ATP8A2: variants seen among roughly 807,000 people sequenced by gnomAD.
The protein encoded by ATP8A2 is phospholipid-transporting ATPase IB.
Under a neutral mutation model 165.6 loss-of-function variants are expected in ATP8A2, and 100 were observed. That is an observed-to-expected ratio of 0.60 (90% CI 0.51 to 0.71). The LOEUF is 0.71. Among genes scored for constraint, ATP8A2 ranks in the 30% least tolerant of loss-of-function variants. The probability of loss-of-function intolerance (pLI) is 0.00; values close to 1 mark genes in which losing one functional copy is unlikely to be tolerated. For synonymous variants in ATP8A2, 543 were observed against 548.8 expected, an observed-to-expected ratio of 0.99 and a Z score of 0.15; for missense variants, 1,227 against 1,479.5, an observed-to-expected ratio of 0.83 and a Z score of 2.80.
chr13:25,851,382 G>A (rs570339715), intron 30 of ATP8A2, among the ~76,000 whole-genome samples: 1 of 152,242 alleles, frequency 6.6e-6, no homozygotes, highest in South Asian at 2.1e-4. Context: ...AAGACTTCAA[G>A]ACCAGCCTGG....
intron 24 of ATP8A2, among the ~76,000 whole-genome samples, chr13:25,688,677 C>T (rs1255130429): frequency 1.3e-5 from 2 of 152,194 alleles, no homozygotes; most frequent in Non-Finnish European, 2.9e-5. Context: ...TCTCATATAA[C>T]TCTGTCTGTA....
intron 1 of ATP8A2, among the ~76,000 whole-genome samples, chr13:25,462,967 G>C (rs116170264): frequency 6.6e-6 from 1 of 152,154 alleles, no homozygotes; most frequent in Non-Finnish European, 1.5e-5. Context: ...CATTCTGTGC[G>C]TAAGGAGCAC....
chr13:25,395,072 T>G (rs1009772769), intron 1 of ATP8A2, among the ~76,000 whole-genome samples: 1 of 152,216 alleles, frequency 6.6e-6, no homozygotes, highest in African/African-American at 2.4e-5. Flanking sequence ...ATACAAAGAC[T>G]CTATGTCTTC....
chr13:25,933,075 T>G (rs1186378825), intron 33 of ATP8A2, among the ~76,000 whole-genome samples: 1 of 152,246 alleles, frequency 6.6e-6, no homozygotes. Flanking sequence ...CTCAAACTCC[T>G]GATCTCAGGT....
rs1383919845 is a variant in ATP8A2 at position 25,750,281 on chromosome 13, G to C, written c.2385-18765G>C. ...TGCATTTCTCAGAGTAGTCGCTAGA[G>C]TTTTCAGGAGACCAAATAAAATAGT... On this transcript the variant is annotated intron_variant, in intron 25 of 36. Transcript: ENST00000381655. The surrounding 1 kb of genome is among the most constrained non-coding windows in gnomAD (Gnocchi z 4.3). Among the ~76,000 whole-genome samples, 1 of 152,168 alleles carries C rather than the reference G, an allele frequency of 6.6e-6. No homozygotes were observed. The highest frequency in any genetic ancestry group is 2.4e-5 in the African/African-American group (1 of 41,426).
intron 30 of ATP8A2, among the ~76,000 whole-genome samples, chr13:25,841,233 A>T (rs992929039): frequency 6.6e-6 from 1 of 152,270 alleles, no homozygotes; most frequent in Admixed American, 6.5e-5. Context: ...GACTCCCAGC[A>T]GTTGCTAACT....
In ATP8A2 at chr13:25,953,727, G is replaced by C. The variant is rs1955441996; in HGVS notation, c.3184-7848G>C. Among the ~76,000 whole-genome samples, 2 of 152,010 alleles carry C rather than the reference G, an allele frequency of 1.3e-5. No homozygotes were observed. The highest frequency in any genetic ancestry group is 2.1e-4 in the South Asian group (1 of 4,810). On this transcript the variant is annotated intron_variant, in intron 33 of 36. Coordinates refer to ENST00000381655, the MANE Select transcript of ATP8A2 (RefSeq NM_016529.6). The surrounding 1 kb of genome is among the most constrained non-coding windows in gnomAD (Gnocchi z 6.7). Reference sequence around the variant, plus strand: ...GCAAGCCGAAGCAGGGTGGGGCGTTGCCTCACCCGGGAAGCACAGGGGATT... The same window carrying C: ...GCAAGCCGAAGCAGGGTGGGGCGTTCCCTCACCCGGGAAGCACAGGGGATT...
At chr13:25,409,348 T>C (rs1006259727) in intron 1 of ATP8A2, among the ~76,000 whole-genome samples, 2 of 151,896 alleles carry the variant, frequency 1.3e-5, no homozygotes, top group Non-Finnish European at 2.9e-5. Flanking sequence ...GCAGGAAAAA[T>C]AGAAAACAAA....
In ATP8A2 at chr13:25,504,421, CTTT is replaced by C. The variant is rs577817952; in HGVS notation, c.222-25559_222-25557del. ...ATAATTTTTAAAAATCTTTCCTTTC[CTTT>C]TTTTTTTTTTTTTTTTTTAAAAAGT... is the stretch of plus-strand genomic sequence containing the variant. On this transcript the variant is annotated intron_variant, in intron 2 of 36. Transcript: ENST00000381655. Among the ~76,000 whole-genome samples, 474 of 124,166 alleles carry C rather than the reference CTTT, an allele frequency of 3.8e-3. 1 individual carries two copies. Among genetic ancestry groups the C allele is most frequent in the Non-Finnish European group, 5.8e-3 (343 of 59,340 alleles). 81.5% of individuals were successfully genotyped at this position (124,166 alleles called of 152,430 possible).
chr13:25,693,664 T>G (rs1823306108), intron 24 of ATP8A2, among the ~76,000 whole-genome samples: 1 of 37,188 alleles, frequency 2.7e-5, no homozygotes, highest in South Asian at 1.8e-3. Context: ...ATCCCTCAGA[T>G]CTCTCTGTCT....
intron 24 of ATP8A2, among the ~76,000 whole-genome samples, chr13:25,614,643 A>G (rs1247373354): frequency 6.6e-6 from 1 of 152,160 alleles, no homozygotes; most frequent in African/African-American, 2.4e-5. Flanking sequence ...TGTGAGAGGG[A>G]AGATCTGGGG....
chr13:25,912,083 C>G (rs1043222954), intron 33 of ATP8A2, among the ~76,000 whole-genome samples: 1 of 151,880 alleles, frequency 6.6e-6, no homozygotes. Flanking sequence ...AATTGCAACA[C>G]TATTCACAAT....
At chr13:25,984,433 A>C (rs1956232691) in intron 35 of ATP8A2, among the ~76,000 whole-genome samples, 1 of 151,552 alleles carries the variant, frequency 6.6e-6, no homozygotes, top group Non-Finnish European at 1.5e-5. Flanking sequence ...GTGAAACCCC[A>C]CCTCTACTAA....
chr13:25,820,078 T>G (rs966163950), intron 27 of ATP8A2, among the ~76,000 whole-genome samples: 1 of 152,196 alleles, frequency 6.6e-6, no homozygotes, highest in Non-Finnish European at 1.5e-5. Context: ...AGTCGTTTGT[T>G]AAGTGTCGGC....
chr13:25,713,127 G>A (rs1161325952), intron 25 of ATP8A2, among the ~76,000 whole-genome samples: 1 of 152,148 alleles, frequency 6.6e-6, no homozygotes, highest in Non-Finnish European at 1.5e-5. Flanking sequence ...TTCCCAAAAT[G>A]ATGTACGCTT....
At chr13:25,907,566 G>A (rs1432553093) in intron 33 of ATP8A2, among the ~76,000 whole-genome samples, 1 of 152,082 alleles carries the variant, frequency 6.6e-6, no homozygotes, top group East Asian at 1.9e-4. Context: ...CAACCATTTC[G>A]TAATATCTAT....
intron 36 of ATP8A2, among the ~76,000 whole-genome samples, 181 bp from the exon 37 acceptor site, chr13:26,019,707 G>A (rs975647752): frequency 2.6e-5 from 4 of 152,090 alleles, no homozygotes; most frequent in Admixed American, 6.5e-5. Flanking sequence ...GCCTGCACAC[G>A]GCCGCCACGG....
At chr13:25,799,515 G>T (rs1042082566) in intron 27 of ATP8A2, among the ~76,000 whole-genome samples, 1 of 152,128 alleles carries the variant, frequency 6.6e-6, no homozygotes, top group Admixed American at 6.6e-5. Context: ...TCCCAGACAC[G>T]GAATCATTGC....
chr13:25,662,471 C>A (rs1040555428), intron 24 of ATP8A2, among the ~76,000 whole-genome samples: 1 of 152,042 alleles, frequency 6.6e-6, no homozygotes, highest in African/African-American at 2.4e-5. Flanking sequence ...CTTTACCTAG[C>A]GAATATTTTT....
Sources: allele counts gnomAD v4.1 joint callset (sites outside exome capture counted in the v4.1 genomes callset), GRCh38; gene constraint gnomAD v4.1.1; non-coding constraint Gnocchi (gnomAD v3.1); transcripts MANE v1.5; gene names NCBI Gene and HGNC (gene_info 2026-07-23, HGNC 2026-07-21).